The following OSGEPL1 variants were observed in gnomAD, a reference collection of about 807,000 sequenced individuals.
The protein encoded by OSGEPL1 is tRNA N6-adenosine threonylcarbamoyltransferase, mitochondrial.
Under a neutral mutation model 37.2 loss-of-function variants are expected in OSGEPL1, and 26 were observed. The ratio of observed to expected loss-of-function variants is 0.70; its 90% CI spans 0.51 to 0.97. OSGEPL1 has a LOEUF of 0.97. Ranked by LOEUF, OSGEPL1 falls within the 50% of genes least tolerant of loss-of-function variation. OSGEPL1 has a pLI of 0.00. For missense variants in OSGEPL1, 404 were observed against 487.0 expected (o/e 0.83, Z 1.60); for synonymous variants, 140 against 159.9 (o/e 0.88, Z 0.94).
intron 8 of OSGEPL1, among the ~76,000 whole-genome samples, chr2:189,748,130 A>G (rs1450027943): frequency 1.1e-4 from 17 of 152,162 alleles, no homozygotes; most frequent in Non-Finnish European, 1.0e-4. Context: ...ATTTTCCCCG[A>G]TATGTACTTA....
chr2:189,749,139 G>A (rs575084108), intron 8 of OSGEPL1, among the ~76,000 whole-genome samples: 42 of 151,394 alleles, frequency 2.8e-4, no homozygotes, highest in African/African-American at 9.7e-4. Context: ...CCAGCTACTC[G>A]GGAGGCTGAG....
At chr2:189,755,587 T>C in intron 2 of OSGEPL1, 27 bp from the exon 3 acceptor site, 1 of 1,572,140 alleles carries the variant, frequency 6.4e-7, no homozygotes, top group Non-Finnish European at 8.6e-7. Context: ...CAGCATTTTG[T>C]AGTTTTAAGA....
intron 2 of OSGEPL1, 117 bp downstream of exon 2, chr2:189,761,303 G>A: frequency 9.2e-7 from 1 of 1,087,400 alleles, no homozygotes; most frequent in Non-Finnish European, 1.3e-6. Flanking sequence ...GTTATTAAAA[G>A]TGTTTGCAAA....
intron 7 of OSGEPL1, 39 bp downstream of exon 7, chr2:189,752,614 A>C (rs2045451281): frequency 1.9e-6 from 3 of 1,600,864 alleles, no homozygotes; most frequent in African/African-American, 2.7e-5. Context: ...TGTCTTAAGT[A>C]ATGTAACTTG....
At chr2:189,753,790 T>C in intron 5 of OSGEPL1, 126 bp downstream of exon 5, 1 of 1,047,418 alleles carries the variant, frequency 9.5e-7, no homozygotes, top group South Asian at 1.7e-5. Context: ...TCCTGCATAA[T>C]TTCATACTGT....
chr2:189,756,034 T>C (rs1341188781), intron 2 of OSGEPL1, among the ~76,000 whole-genome samples: 2 of 152,100 alleles, frequency 1.3e-5, no homozygotes, highest in Non-Finnish European at 1.5e-5. Flanking sequence ...TAACTGAATA[T>C]AAAGGGACAG....
intron 3 of OSGEPL1, chr2:189,754,804 C>T (rs935386101): frequency 1.6e-5 from 4 of 254,102 alleles, no homozygotes; most frequent in Admixed American, 5.3e-5. Flanking sequence ...TGATTTAATT[C>T]TGTGCATTGC....
At chr2:189,755,597 A>T (rs570672168) in intron 2 of OSGEPL1, 37 bp from the exon 3 acceptor site, 1 of 1,564,886 alleles carries the variant, frequency 6.4e-7, no homozygotes, top group African/African-American at 1.4e-5. Context: ...TAGTTTTAAG[A>T]TTGTAAAAAT....
In OSGEPL1 at chr2:189,761,885, G is replaced by A. The variant is rs1036067626; in HGVS notation, c.-20-225C>T. 2.6e-5 allele frequency among the ~76,000 whole-genome samples: 4 copies of A among 152,190 alleles called. No homozygotes were observed. In the East Asian group the frequency reaches 5.8e-4, roughly 22 times the overall value. ...AAATTTTTTAGTATTATTATTACTT[G>A]CATGCTGTTCCTACCAAAAGACTTA... On this transcript the variant is annotated intron_variant, in intron 1 of 8. Transcript: ENST00000264151.
In OSGEPL1 at chr2:189,754,902, A is replaced by G. The variant is rs16831961; in HGVS notation, c.609+271T>C. 1,664 of 414,778 alleles carry G rather than the reference A, an allele frequency of 4.0e-3. 26 individuals are homozygous for G. Among genetic ancestry groups the G allele is most frequent in the African/African-American group, 0.032 (1,535 of 47,552 alleles). The allele number at this position is 414,778 out of a possible 1,614,324, so 25.7% of individuals were successfully genotyped here. A position where few individuals can be genotyped will look rare whatever the true frequency, so the allele number is the denominator to read the frequency against. On this transcript the variant is annotated intron_variant, in intron 3 of 8. Transcript: ENST00000264151. ...TAGTTTACGAAGCACGTTCTTTCACATACATTATTTGGCAAAATACATAAC... is the reference window on the plus strand; with the variant it reads ...TAGTTTACGAAGCACGTTCTTTCACGTACATTATTTGGCAAAATACATAAC...
chr2:189,752,575 C>A, intron 7 of OSGEPL1, 78 bp downstream of exon 7: 1 of 1,386,824 alleles, frequency 7.2e-7, no homozygotes, highest in Non-Finnish European at 1.0e-6. Flanking sequence ...TCAATGAAAA[C>A]CTCATATATA....
chr2:189,754,114 G>T, intron 4 of OSGEPL1, 27 bp downstream of exon 4: 1 of 1,611,814 alleles, frequency 6.2e-7, no homozygotes, highest in East Asian at 2.2e-5. Context: ...ATATTTATCT[G>T]TTCAACTTTA....
At position 189,750,600 on chromosome 2, in the gene OSGEPL1, G is replaced by T; in HGVS notation, c.1223C>A (p.Pro408Gln). ...AAATCATATCTCCATTTTTAATTGT[G>T]GTACTTTTATGGAAGCTTCTCCAAC... ...KEVGEASIKV[P>Q]QLKMEI Residue 408 changes from proline to glutamine, a missense_variant, in exon 8 of 9, where the codon CCA becomes CAA. Transcript: ENST00000264151. 6.3e-7 allele frequency: 1 copy of T among 1,585,792 alleles called. No individual in the cohort carries two copies.
chr2:189,760,308 GCTC>G (rs2046823449), intron 2 of OSGEPL1, among the ~76,000 whole-genome samples: 1 of 152,150 alleles, frequency 6.6e-6, no homozygotes, highest in Non-Finnish European at 1.5e-5. Flanking sequence ...GGGCAGAGGG[GCTC>G]CTCACTTCCC....
At chr2:189,755,585 T>C in intron 2 of OSGEPL1, 25 bp from the exon 3 acceptor site, 1 of 1,572,756 alleles carries the variant, frequency 6.4e-7, no homozygotes, top group Non-Finnish European at 8.6e-7. Context: ...GACAGCATTT[T>C]GTAGTTTTAA....
At chr2:189,762,817 G>T, upstream of OSGEPL1, 1 of 985,464 alleles carries the variant, frequency 1.0e-6, no homozygotes, top group East Asian at 1.1e-4. Context: ...GCAAGGTCCC[G>T]TCCAGAGCTG....
chr2:189,758,681 C>T (rs2046467022), intron 2 of OSGEPL1, among the ~76,000 whole-genome samples: 1 of 152,232 alleles, frequency 6.6e-6, no homozygotes, highest in South Asian at 2.1e-4. Flanking sequence ...GGCCACTGAA[C>T]ACCTGTGATG....
chr2:189,750,040 T>C (rs971320155), intron 8 of OSGEPL1, among the ~76,000 whole-genome samples: 1 of 152,114 alleles, frequency 6.6e-6, no homozygotes, highest in Non-Finnish European at 1.5e-5. Flanking sequence ...GGAGAATCGC[T>C]TGAACCCAGA....
chr2:189,761,393 G>A lies in OSGEPL1; in HGVS notation c.221+27C>T, dbSNP rs758024017. The A allele has an allele frequency of 8.3e-6, 13 of 1,560,048 alleles. No homozygotes were observed. The Admixed American group carries it at 1.1e-4, about 13-fold the overall frequency. On this transcript the variant is annotated intron_variant, in intron 2 of 8. Coordinates refer to ENST00000264151, the MANE Select transcript of OSGEPL1 (RefSeq NM_022353.3). ...TGATTTTACTTTTTCCAAAAAAGTG[G>A]AAATGACTAAGATAATGTCTACTTA... is the stretch of plus-strand genomic sequence containing the variant.
Sources: allele counts gnomAD v4.1 joint callset (sites outside exome capture counted in the v4.1 genomes callset), GRCh38; gene constraint gnomAD v4.1.1; transcripts MANE v1.5; gene names NCBI Gene and HGNC (gene_info 2026-07-23, HGNC 2026-07-21).